The following RASAL2 variants were observed in gnomAD, a reference collection of about 807,000 sequenced individuals.
RASAL2 encodes the protein ras GTPase-activating protein nGAP.
Under a neutral mutation model 128.9 loss-of-function variants are expected in RASAL2, and 58 were observed. The observed-to-expected ratio is 0.45, with a 90% CI of 0.36 to 0.56. The LOEUF (loss-of-function observed/expected upper bound fraction) is 0.56, where lower values mean the gene tolerates loss of function less well. Among genes scored for constraint, RASAL2 ranks in the 20% least tolerant of loss-of-function variants. The probability of loss-of-function intolerance (pLI) is 0.00; values close to 1 mark genes in which losing one functional copy is unlikely to be tolerated. For missense variants in RASAL2, 1,360 were observed against 1,601.6 expected (o/e 0.85, Z 2.57); for synonymous variants, 561 against 580.8 (o/e 0.97, Z 0.49).
Position 178,464,831 on chromosome 1 carries a change from G to GTTTTTTTTTTTTTTTTTTTTTTTTTTT in RASAL2, c.3387+444_3387+445insTTTTTTTTTTTTTTTTTTTTTTTTTTT, listed in dbSNP as rs986789340. 6.8e-4 allele frequency among the ~76,000 whole-genome samples: 26 copies of GTTTTTTTTTTTTTTTTTTTTTTTTTTT among 38,204 alleles called. 4 individuals are homozygous for GTTTTTTTTTTTTTTTTTTTTTTTTTTT. The highest frequency in any genetic ancestry group is 2.5e-3 in the African/African-American group (21 of 8,240). 25.1% of individuals were successfully genotyped at this position (38,204 alleles called of 152,430 possible). A position where few individuals can be genotyped will look rare whatever the true frequency, so the allele number is the denominator to read the frequency against. ...TAACAATTAGGTTTTGGTTTTAGTT[G>GTTTTTTTTTTTTTTTTTTTTTTTTTTT]TTTTTTTTTTTTTTTTTTTTTTTTT... is the stretch of plus-strand genomic sequence containing the variant. On this transcript the variant is annotated intron_variant, in intron 15 of 17. Coordinates refer to ENST00000367649, the MANE Select transcript of RASAL2 (RefSeq NM_170692.4).
intron 1 of RASAL2, among the ~76,000 whole-genome samples, chr1:178,193,103 C>T (rs1414355219): frequency 6.6e-6 from 1 of 152,108 alleles, no homozygotes; most frequent in African/African-American, 2.4e-5. Flanking sequence ...ATCTAGATCA[C>T]GTTTGAGGGA....
chr1:178,384,397 A>C (rs977034), intron 3 of RASAL2, among the ~76,000 whole-genome samples: 11,012 of 152,108 alleles, frequency 0.072, 796 homozygotes, highest in African/African-American at 0.18. Flanking sequence ...TTCCCTTTTA[A>C]ATTTTGCCAC....
At chr1:178,464,690 A>G (rs776710868) in intron 15 of RASAL2, among the ~76,000 whole-genome samples, 1 of 151,648 alleles carries the variant, frequency 6.6e-6, no homozygotes, top group African/African-American at 2.4e-5. Flanking sequence ...AGGACACTCT[A>G]CTATTCATTT....
At chr1:178,323,268 G>C (rs191184346) in intron 3 of RASAL2, among the ~76,000 whole-genome samples, 1 of 152,168 alleles carries the variant, frequency 6.6e-6, no homozygotes, top group Non-Finnish European at 1.5e-5. Flanking sequence ...ACCATAGCAG[G>C]TTGTTTTGTA....
chr1:178,312,682 G>A (rs1433256828), intron 3 of RASAL2, among the ~76,000 whole-genome samples: 1 of 152,166 alleles, frequency 6.6e-6, no homozygotes, highest in Non-Finnish European at 1.5e-5. Context: ...GTTCAGACTG[G>A]AGCAGCTGAT....
intron 1 of RASAL2, among the ~76,000 whole-genome samples, chr1:178,174,028 A>C (rs942261418): frequency 6.6e-6 from 1 of 151,872 alleles, no homozygotes; most frequent in Admixed American, 6.6e-5. Flanking sequence ...CTTTTAAGTG[A>C]GGCAGTGACA....
chr1:178,341,601 G>A, intron 3 of RASAL2: 1 of 1,613,996 alleles, frequency 6.2e-7, no homozygotes. Context: ...ACACGATGCA[G>A]ACCCCAGGTA....
chr1:178,411,974 G>A (rs1280564491), intron 4 of RASAL2: 11 of 573,600 alleles, frequency 1.9e-5, no homozygotes, highest in South Asian at 1.8e-4. Flanking sequence ...CCCTCTTGAC[G>A]GCACCCACAG....
rs775896729 is a variant in RASAL2 at position 178,094,671 on chromosome 1, A to G, written c.179A>G (p.Gln60Arg). ...ATCCTTCTGGAGTCCGTGTGCCAGC[A>G]ACAGAGCTGGGTCCGGGTGTACGGT... The part of the protein sequence containing the change: ...DRILLESVCQ[Q>R]QSWVRVYDVK... Residue 60 changes from glutamine (Q) to arginine (R), a missense_variant, in exon 1 of 18, where the codon CAA becomes CGA. By Grantham distance (43) the Gln-to-Arg change is conservative. Transcript: ENST00000367649. 23 of 1,614,104 alleles carry G rather than the reference A, an allele frequency of 1.4e-5. No individual in the cohort carries two copies. Among genetic ancestry groups the G allele is most frequent in the Non-Finnish European group, 1.9e-5 (22 of 1,180,040 alleles).
At chr1:178,383,916 A>G (rs1672413553) in intron 3 of RASAL2, among the ~76,000 whole-genome samples, 1 of 152,246 alleles carries the variant, frequency 6.6e-6, no homozygotes, top group Non-Finnish European at 1.5e-5. Context: ...ATATATGCCA[A>G]AATTTCAGTG....
intron 1 of RASAL2, among the ~76,000 whole-genome samples, chr1:178,180,105 G>A (rs971210811): frequency 6.6e-6 from 1 of 152,068 alleles, no homozygotes; most frequent in African/African-American, 2.4e-5. Context: ...TCCTGTCGTT[G>A]TATGTAGCTT....
At chr1:178,252,865 C>G (rs748654951) in intron 1 of RASAL2, among the ~76,000 whole-genome samples, 5 of 152,166 alleles carry the variant, frequency 3.3e-5, no homozygotes, top group Non-Finnish European at 5.9e-5. Context: ...AAATATTTCT[C>G]TATTACAACC....
chr1:178,395,792 T>TG lies in RASAL2; in HGVS notation c.564+5586_564+5587insG, dbSNP rs1491527414. On this transcript the variant is annotated intron_variant, in intron 4 of 17. Coordinates refer to ENST00000367649, the MANE Select transcript of RASAL2 (RefSeq NM_170692.4). ...AACAGTATATATATATATATATATATTTATTTATTCATATGTGTATGAATG... is the reference window on the plus strand; with the variant it reads ...AACAGTATATATATATATATATATATGTTATTTATTCATATGTGTATGAATG... Among the ~76,000 whole-genome samples, 2 of 140,684 alleles carry TG rather than the reference T, an allele frequency of 1.4e-5. 1 individual carries two copies. Among genetic ancestry groups the TG allele is most frequent in the African/African-American group, 5.9e-5 (2 of 33,628 alleles). The allele number at this position is 140,684 out of a possible 152,430, so 92.3% of individuals were successfully genotyped here. A position where few individuals can be genotyped will look rare whatever the true frequency, so the allele number is the denominator to read the frequency against.
At chr1:178,209,139 A>G (rs1295116884) in intron 1 of RASAL2, among the ~76,000 whole-genome samples, 1 of 151,840 alleles carries the variant, frequency 6.6e-6, no homozygotes, top group Non-Finnish European at 1.5e-5. Context: ...ATATAATTTT[A>G]TATTAAATTA....
Position 178,209,685 on chromosome 1 carries a change from TTTTC to T in RASAL2, c.203-73877_203-73874del, listed in dbSNP as rs1303467185. ...TCTGTTTATATCTCCTTTTCTCTCTTTTTCTCTCTCTCTCATATGATAACATCCA... is the reference window on the plus strand; with the variant it reads ...TCTGTTTATATCTCCTTTTCTCTCTTTCTCTCTCTCATATGATAACATCCA... On this transcript the variant is annotated intron_variant, in intron 1 of 17. Transcript: ENST00000367649. 2.0e-5 allele frequency among the ~76,000 whole-genome samples: 3 copies of T among 151,934 alleles called. No individual in the cohort carries two copies. The East Asian group carries it at 5.8e-4, about 29-fold the overall frequency.
intron 1 of RASAL2, among the ~76,000 whole-genome samples, chr1:178,152,811 G>A (rs562862571): frequency 1.6e-4 from 24 of 152,088 alleles, no homozygotes; most frequent in Admixed American, 4.6e-4. Flanking sequence ...GTCTTGTTTC[G>A]TTTGAACCTG....
At chr1:178,190,499 T>C (rs997726714) in intron 1 of RASAL2, among the ~76,000 whole-genome samples, 1 of 152,212 alleles carries the variant, frequency 6.6e-6, no homozygotes, top group Non-Finnish European at 1.5e-5. Flanking sequence ...CTTTTGATGC[T>C]TTATGAACTG....
chr1:178,354,614 T>G (rs997666645), intron 3 of RASAL2, among the ~76,000 whole-genome samples: 1 of 152,232 alleles, frequency 6.6e-6, no homozygotes, highest in Non-Finnish European at 1.5e-5. Flanking sequence ...GGCATTGAGT[T>G]TAGCAAGTTG....
intron 5 of RASAL2, among the ~76,000 whole-genome samples, chr1:178,430,216 A>T (rs940752392): frequency 6.6e-6 from 1 of 152,094 alleles, no homozygotes; most frequent in African/African-American, 2.4e-5. Context: ...GTCTATGTGG[A>T]TATGACAACT....
Sources: allele counts gnomAD v4.1 joint callset (sites outside exome capture counted in the v4.1 genomes callset), GRCh38; gene constraint gnomAD v4.1.1; transcripts MANE v1.5; gene names NCBI Gene and HGNC (gene_info 2026-07-23, HGNC 2026-07-21).